The following RPS6KA2 variants were observed in gnomAD, a reference collection of about 807,000 sequenced individuals.
RPS6KA2 encodes ribosomal protein S6 kinase A2.
RPS6KA2 carries 42 observed loss-of-function variants against 91.8 expected under a neutral mutation model. The ratio of observed to expected loss-of-function variants is 0.46; its 90% confidence interval spans 0.36 to 0.59. The LOEUF (loss-of-function observed/expected upper bound fraction) is 0.59, where lower values mean the gene tolerates loss of function less well. Ranked by LOEUF, RPS6KA2 falls within the 20% of genes least tolerant of loss-of-function variation. The pLI is 0.00. For missense variants in RPS6KA2, 798 were observed against 978.5 expected, an observed-to-expected ratio of 0.82 and a Z score of 2.46; for synonymous variants, 414 against 393.6, an observed-to-expected ratio of 1.05 and a Z score of -0.61.
chr6:166,436,951 G>A (rs1779338396), intron 14 of RPS6KA2, among the ~76,000 whole-genome samples: 2 of 152,182 alleles, frequency 1.3e-5, no homozygotes, highest in Admixed American at 1.3e-4. Flanking sequence ...TGGCAAGGCA[G>A]TTCTGACCCA....
Position 166,759,770 on chromosome 6 carries a change from G to A in RPS6KA2, c.123+98430C>T, listed in dbSNP as rs897923017. ...CACACTGCTGGCGTCTTCTCATACCGTCTACCGCTGGCTGCAGCCTCAGCT... is the reference window on the plus strand; with the variant it reads ...CACACTGCTGGCGTCTTCTCATACCATCTACCGCTGGCTGCAGCCTCAGCT... On this transcript the variant is annotated intron_variant, in intron 2 of 21. Coordinates refer to the RPS6KA2 transcript ENST00000503859. 9.2e-5 allele frequency among the ~76,000 whole-genome samples: 14 copies of A among 152,146 alleles called. No individual in the cohort carries two copies. In the East Asian group the frequency reaches 1.5e-3, roughly 17 times the overall value.
At chr6:166,646,277 C>T (rs374351141) in intron 2 of RPS6KA2, among the ~76,000 whole-genome samples, 106 of 152,316 alleles carry the variant, frequency 7.0e-4, no homozygotes, top group African/African-American at 2.3e-3. Flanking sequence ...AGAACAGAAG[C>T]GGCGGCTGGG....
intron 14 of RPS6KA2, among the ~76,000 whole-genome samples, chr6:166,443,717 G>A (rs1005662885): frequency 6.6e-6 from 1 of 152,144 alleles, no homozygotes. Flanking sequence ...ATGGCGCCAC[G>A]TATGGTCTAT....
chr6:166,778,043 A>AT (rs1435114056), intron 2 of RPS6KA2, among the ~76,000 whole-genome samples: 4 of 152,354 alleles, frequency 2.6e-5, no homozygotes, highest in South Asian at 4.1e-4. Flanking sequence ...AAAAAGGACG[A>AT]TTTTTTCTGA....
chr6:166,592,362 C>A (rs1338631611), intron 1 of RPS6KA2, among the ~76,000 whole-genome samples: 1 of 152,212 alleles, frequency 6.6e-6, no homozygotes, highest in African/African-American at 2.4e-5. Context: ...CAAGCCCGGC[C>A]TGTCCTCTGG....
At chr6:166,792,467 G>C (rs978337050) in intron 2 of RPS6KA2, among the ~76,000 whole-genome samples, 2 of 151,500 alleles carry the variant, frequency 1.3e-5, no homozygotes, top group Non-Finnish European at 2.9e-5. Flanking sequence ...CTATTCCAAT[G>C]AATAGAAAAA....
chr6:166,535,549 T>C (rs919908860), intron 2 of RPS6KA2, among the ~76,000 whole-genome samples: 3 of 152,240 alleles, frequency 2.0e-5, no homozygotes, highest in Non-Finnish European at 4.4e-5. Flanking sequence ...AAAAGAGGTT[T>C]CCTATCCTAC....
rs570391319 is a variant in RPS6KA2 at position 166,471,900 on chromosome 6, C to T, written c.908-1995G>A. Among the ~76,000 whole-genome samples the T allele has an allele frequency of 3.9e-5, 6 of 152,228 alleles. No individual in the cohort carries two copies. The South Asian group carries it at 1.2e-3, about 32-fold the overall frequency. On this transcript the variant is annotated intron_variant, in intron 10 of 20. Coordinates refer to ENST00000265678, the MANE Select transcript of RPS6KA2 (RefSeq NM_021135.6). ...TAAACCCTGAGCCCAGGGATCTGATCCCAGGCCTTTGCAATCGCAGCAGCT... is the reference window on the plus strand; with the variant it reads ...TAAACCCTGAGCCCAGGGATCTGATTCCAGGCCTTTGCAATCGCAGCAGCT...
intron 1 of RPS6KA2, among the ~76,000 whole-genome samples, chr6:166,618,184 C>T (rs56175127): frequency 6.6e-6 from 1 of 152,254 alleles, no homozygotes; most frequent in African/African-American, 2.4e-5. Flanking sequence ...GGGAAGAAAC[C>T]TTCAATGTGC....
chr6:166,419,462 C>T lies in RPS6KA2; in HGVS notation c.1820+420G>A, dbSNP rs1778649499. On this transcript the variant is annotated intron_variant, in intron 18 of 20. Coordinates refer to ENST00000265678, the MANE Select transcript of RPS6KA2 (RefSeq NM_021135.6). The surrounding 1 kb of genome is among the most constrained non-coding windows in gnomAD (Gnocchi z 5.6). ...ACACCACGTGTCTTACCACAATGAA[C>T]CGGCCCGTGCATGACTCATGACCAC... 1.3e-5 allele frequency among the ~76,000 whole-genome samples: 2 copies of T among 152,192 alleles called. No homozygotes were observed. The highest frequency in any genetic ancestry group is 2.9e-5 in the Non-Finnish European group (2 of 68,042).
chr6:166,531,812 C>T lies in RPS6KA2; in HGVS notation c.217-499G>A, dbSNP rs76761663. Among the ~76,000 whole-genome samples the T allele has an allele frequency of 9.3e-3, 1,420 of 152,228 alleles. 17 individuals carry two copies. Among genetic ancestry groups the T allele is most frequent in the African/African-American group, 0.033 (1,356 of 41,520 alleles). ...GAGTAGCTTAAGAGTTCCTTTCTAA[C>T]TGGATCTTAAATACACTTACGGATA... is the stretch of plus-strand genomic sequence containing the variant. On this transcript the variant is annotated intron_variant, in intron 2 of 20. Transcript: ENST00000265678.
intron 1 of RPS6KA2, among the ~76,000 whole-genome samples, chr6:166,602,178 C>T (rs56894963): frequency 0.031 from 4,751 of 152,320 alleles, 80 homozygotes; most frequent in East Asian, 0.059. Context: ...CACACACAGC[C>T]GATGGGCTGC....
intron 1 of RPS6KA2, among the ~76,000 whole-genome samples, chr6:166,615,441 T>C (rs763610315): frequency 3.2e-4 from 49 of 152,194 alleles, no homozygotes; most frequent in Admixed American, 3.0e-3. Flanking sequence ...CTGAAGATGA[T>C]TGAAGATATC....
intron 2 of RPS6KA2, among the ~76,000 whole-genome samples, chr6:166,813,012 C>G (rs1030030545): frequency 2.0e-5 from 3 of 152,172 alleles, no homozygotes; most frequent in African/African-American, 7.2e-5. Context: ...TTAACCCAAA[C>G]TAAATCCTGA....
chr6:166,456,363 T>C (rs774712514), intron 12 of RPS6KA2, among the ~76,000 whole-genome samples: 5 of 152,048 alleles, frequency 3.3e-5, no homozygotes, highest in Non-Finnish European at 7.3e-5. Context: ...TTCAGCACAG[T>C]ATTTAAGAAG....
At chr6:166,469,064 C>T (rs1780652349) in intron 11 of RPS6KA2, among the ~76,000 whole-genome samples, 1 of 152,190 alleles carries the variant, frequency 6.6e-6, no homozygotes, top group African/African-American at 2.4e-5. Flanking sequence ...GGAGGTATCG[C>T]CTTCCTCAGA....
intron 2 of RPS6KA2, among the ~76,000 whole-genome samples, chr6:166,746,149 C>T (rs1323043389): frequency 6.6e-6 from 1 of 152,162 alleles, no homozygotes; most frequent in Non-Finnish European, 1.5e-5. Context: ...GTGGCCAGTG[C>T]CTTGGGACGC....
chr6:166,703,929 T>G (rs1789605340), intron 2 of RPS6KA2, among the ~76,000 whole-genome samples: 1 of 152,248 alleles, frequency 6.6e-6, no homozygotes, highest in Non-Finnish European at 1.5e-5. Flanking sequence ...TTTGCATATT[T>G]TTCTCAGGTA....
At chr6:166,855,408 AGAG>A (rs1371014309) in intron 2 of RPS6KA2, among the ~76,000 whole-genome samples, 1 of 150,372 alleles carries the variant, frequency 6.7e-6, no homozygotes, top group African/African-American at 2.5e-5. Flanking sequence ...AGGAGGAGGA[AGAG>A]GAGGAGGAAG....
Sources: allele counts gnomAD v4.1 joint callset (sites outside exome capture counted in the v4.1 genomes callset), GRCh38; gene constraint gnomAD v4.1.1; non-coding constraint Gnocchi (gnomAD v3.1); transcripts MANE v1.5; gene names NCBI Gene and HGNC (gene_info 2026-07-23, HGNC 2026-07-21).